PFAS: variants seen among roughly 807,000 people sequenced by gnomAD.
PFAS encodes FGAM synthase.
A neutral mutation model predicts 140.6 loss-of-function variants in PFAS; 97 were observed. The ratio of observed to expected loss-of-function variants is 0.69; its 90% confidence interval spans 0.59 to 0.82. The LOEUF (loss-of-function observed/expected upper bound fraction) is 0.82. PFAS is among the 40% of genes least tolerant of loss of function. PFAS has a pLI of 0.00. For missense variants in PFAS, 1,656 were observed against 1,780.2 expected (o/e 0.93, Z 1.26); for synonymous variants, 679 against 718.8 (o/e 0.94, Z 0.88).
chr17:8,248,078 TTGGGGG>T, upstream of PFAS: 8 of 586,756 alleles, frequency 1.4e-5, no homozygotes, highest in Non-Finnish European at 2.4e-5. Flanking sequence ...AGGTGCTCGC[TTGGGGG>T]TGGGGATGGG....
Position 8,256,279 on chromosome 17 carries a change from A to G in PFAS, c.693A>G (p.Arg231=), listed in dbSNP as rs1989361604. The change falls in exon 7 of 28, where the codon CGA becomes CGG. Residue 231 remains arginine, a synonymous_variant. Transcript: ENST00000314666. ...TCGCCCCCTGCAGCGAGCACAGCCG[A>G]CACTGGTTCTTCAAGGGCCAGCTCC... The part of the protein sequence containing the change: ...DLAQSNSEHS[R]HWFFKGQLHV... 6.2e-7 allele frequency: 1 copy of G among 1,613,890 alleles called. No individual in the cohort carries two copies. Among genetic ancestry groups the G allele is most frequent in the Non-Finnish European group, 8.5e-7 (1 of 1,180,020 alleles).
rs754846042 is a variant in PFAS, at chr17:8,262,967, G to A, written c.1384G>A (p.Gly462Arg). ...AGGTCCCGTCTACAGGATTGGAGTT[G>A]GAGGTGGAGCTGCTTCATCTGTGCA... Reference protein sequence around the residue: ...VGGPVYRIGVGGGAASSVQVQ... With the variant: ...VGGPVYRIGVRGGAASSVQVQ... Residue 462 changes from glycine to arginine, a missense_variant, in exon 12 of 28, where the codon GGA becomes AGA. Gly to Arg is a moderately radical substitution (Grantham distance 125). Coordinates refer to ENST00000314666, the MANE Select transcript of PFAS (RefSeq NM_012393.3). 1.9e-5 allele frequency: 30 copies of A among 1,613,976 alleles called. No individual in the cohort carries two copies. Among genetic ancestry groups the A allele is most frequent in the Non-Finnish European group, 2.4e-5 (28 of 1,179,958 alleles).
rs1261647607 is a variant in PFAS at position 8,267,934 on chromosome 17, G to A, written c.3382+269G>A. Reference sequence around the variant, plus strand: ...TATATTATTTATATATTATTAAAATGTATATTATTTATATATTATTAAAAT... The same window carrying A: ...TATATTATTTATATATTATTAAAATATATATTATTTATATATTATTAAAAT... On this transcript the variant is annotated intron_variant, in intron 26 of 27. Coordinates refer to ENST00000314666, the MANE Select transcript of PFAS (RefSeq NM_012393.3). This position sits in a 1 kb window ranked among gnomAD's most constrained non-coding sequence, Gnocchi z 4.9. 7.3e-6 allele frequency among the ~76,000 whole-genome samples: 1 copy of A among 136,962 alleles called. No homozygotes were observed. Among genetic ancestry groups the A allele is most frequent in the African/African-American group, 2.7e-5 (1 of 36,666 alleles). The allele number at this position is 136,962 out of a possible 152,430, so 89.9% of individuals were successfully genotyped here.
At position 8,256,898 on chromosome 17, in the gene PFAS, C is replaced by G. The variant is rs1442620460; in HGVS notation, c.1010C>G (p.Thr337Arg). Residue 337 changes from threonine to arginine, a missense_variant, in exon 9 of 28, where the codon ACA (threonine) becomes AGA (arginine). Thr to Arg is a moderately conservative substitution (Grantham distance 71). Coordinates refer to ENST00000314666, the MANE Select transcript of PFAS (RefSeq NM_012393.3). ...GGCCGGATTCGAGATGTCCAGTGCA[C>G]AGGCCGCGGGGCCCACGTGGTGGCT... ...TGGRIRDVQC[T>R]GRGAHVVAGT... 1.2e-6 allele frequency: 2 copies of G among 1,614,062 alleles called. No individual in the cohort carries two copies. Among genetic ancestry groups the G allele is most frequent in the Non-Finnish European group, 1.7e-6 (2 of 1,179,940 alleles).
At chr17:8,263,523 T>G in intron 13 of PFAS, 52 bp from the exon 14 acceptor site, 6 of 1,505,164 alleles carry the variant, frequency 4.0e-6, no homozygotes, top group Non-Finnish European at 5.6e-6. Context: ...GACTGCCCTT[T>G]GTTGCCTGAC....
At position 8,267,427 on chromosome 17, in the gene PFAS, G is replaced by C. The variant is rs747535882; in HGVS notation, c.3231G>C (p.Arg1077=). The C allele has an allele frequency of 6.2e-7, 1 of 1,614,158 alleles. No individual in the cohort carries two copies. The highest frequency in any genetic ancestry group is 1.1e-5 in the South Asian group (1 of 91,088). ...ILREEGSNGD[R]EMADAFHLAG... ...GAGAGGAGGGCAGTAATGGAGACCG[G>C]GAGATGGCCGATGCCTTCCACTTAG... Residue 1077 remains arginine, a synonymous_variant, in exon 25 of 28, where the codon CGG becomes CGC. Coordinates refer to ENST00000314666, the MANE Select transcript of PFAS (RefSeq NM_012393.3). This position sits in a 1 kb window ranked among gnomAD's most constrained non-coding sequence, Gnocchi z 4.9.
rs115314908 is a variant in PFAS, at chr17:8,256,915, G to T, written c.1027G>T (p.Val343Leu). ...CCAGTGCACAGGCCGCGGGGCCCACGTGGTGGCTGGCACTGCCGGCTATTG... is the reference window on the plus strand; with the variant it reads ...CCAGTGCACAGGCCGCGGGGCCCACTTGGTGGCTGGCACTGCCGGCTATTG... ...DVQCTGRGAH[V>L]VAGTAGYCFG... The change falls in exon 9 of 28, where the codon GTG becomes TTG. Residue 343 changes from valine to leucine, a missense_variant. Val to Leu is a conservative substitution (Grantham distance 32). Transcript: ENST00000314666. 6.2e-6 allele frequency: 10 copies of T among 1,614,186 alleles called. No homozygotes were observed. Among genetic ancestry groups the T allele is most frequent in the Non-Finnish European group, 8.5e-6 (10 of 1,180,024 alleles).
chr17:8,265,223 C>G (rs371428087), intron 18 of PFAS, 65 bp from the exon 19 acceptor site: 27 of 1,575,596 alleles, frequency 1.7e-5, no homozygotes, highest in Non-Finnish European at 2.0e-5. Flanking sequence ...CCTCCCAGTC[C>G]GCCTGCACCC....
chr17:8,263,887 G>C lies in PFAS; in HGVS notation c.1742G>C (p.Arg581Pro). Residue 581 changes from arginine (R) to proline (P), a missense_variant, in exon 15 of 28, where the codon CGT becomes CCT. By Grantham distance (103) the Arg-to-Pro change is moderately radical. Transcript: ENST00000314666. ...NRDFLTHVSA[R>P]ERCPACFVGT... ...GACTTCCTGACTCATGTCAGTGCCC[G>C]TGAACGTTGCCCGGCTTGCTTCGTG... 6.2e-7 allele frequency: 1 copy of C among 1,614,048 alleles called. No individual in the cohort carries two copies. Among genetic ancestry groups the C allele is most frequent in the Non-Finnish European group, 8.5e-7 (1 of 1,180,002 alleles).
rs1190357174 is a variant in PFAS, at chr17:8,265,431, G to A, written c.2424G>A (p.Met808Ile). The A allele has an allele frequency of 6.2e-7, 1 of 1,614,190 alleles. No individual in the cohort carries two copies. The highest frequency in any genetic ancestry group is 1.7e-5 in the Admixed American group (1 of 60,016). Residue 808 changes from methionine (M) to isoleucine (I), a missense_variant, in exon 19 of 28, where the codon ATG becomes ATA. By Grantham distance (10) the Met-to-Ile change is conservative. Coordinates refer to ENST00000314666, the MANE Select transcript of PFAS (RefSeq NM_012393.3). ...ATGGTGGCAAGGACTCCCTCAGCATGGCTGCTCGGGTTGGCACTGAGACCG... is the reference window on the plus strand; with the variant it reads ...ATGGTGGCAAGGACTCCCTCAGCATAGCTGCTCGGGTTGGCACTGAGACCG... ...AVDGGKDSLS[M>I]AARVGTETVR...
In PFAS at chr17:8,268,754, T is replaced by C. The variant is rs1989926700; in HGVS notation, c.3604T>C (p.Tyr1202His). The change falls in exon 27 of 28, where the codon TAC becomes CAC. Residue 1202 changes from tyrosine to histidine, a missense_variant. Tyr to His is a moderately conservative substitution (Grantham distance 83). Coordinates refer to ENST00000314666, the MANE Select transcript of PFAS (RefSeq NM_012393.3). Reference sequence around the variant, plus strand: ...GCTACGCCACAACCTGTCTGGGCGCTACGAGTCTCGCTGGGCCAGCGTGCG... The same window carrying C: ...GCTACGCCACAACCTGTCTGGGCGCCACGAGTCTCGCTGGGCCAGCGTGCG... ...LLLRHNLSGRYESRWASVRVG... is the reference protein window; with the variant it reads ...LLLRHNLSGRHESRWASVRVG... The C allele has an allele frequency of 1.2e-6, 2 of 1,611,926 alleles. No homozygotes were observed.
rs148809668 is a variant in PFAS at position 8,263,879 on chromosome 17, C to T, written c.1734C>T (p.Val578=). The change falls in exon 15 of 28, where the codon GTC becomes GTT. Residue 578 remains valine, a synonymous_variant. Coordinates refer to ENST00000314666, the MANE Select transcript of PFAS (RefSeq NM_012393.3). ...CCAACCGGGACTTCCTGACTCATGTCAGTGCCCGTGAACGTTGCCCGGCTT... is the reference window on the plus strand; with the variant it reads ...CCAACCGGGACTTCCTGACTCATGTTAGTGCCCGTGAACGTTGCCCGGCTT... The part of the protein sequence containing the change: ...RSPNRDFLTH[V]SARERCPACF... 2 of 1,614,114 alleles carry T rather than the reference C, an allele frequency of 1.2e-6. No individual in the cohort carries two copies. The highest frequency in any genetic ancestry group is 1.7e-6 in the Non-Finnish European group (2 of 1,180,020).
At position 8,256,261 on chromosome 17, in the gene PFAS, C is replaced by A. The variant is rs888167798; in HGVS notation, c.681-6C>A. 6.8e-6 allele frequency: 11 copies of A among 1,613,508 alleles called. No individual in the cohort carries two copies. The highest frequency in any genetic ancestry group is 1.3e-5 in the African/African-American group (1 of 74,928). On this transcript the variant is annotated splice_polypyrimidine_tract_variant and splice_region_variant and intron_variant, in intron 6 of 27. Transcript: ENST00000314666. ...TGCCTTCCCCTCCCTGCATCGCCCC[C>A]TGCAGCGAGCACAGCCGACACTGGT...
Position 8,266,348 on chromosome 17 carries a change from T to TTGA in PFAS, c.2819_2821dup (p.Asp940dup), listed in dbSNP as rs1415158735. 6.2e-7 allele frequency: 1 copy of TTGA among 1,613,796 alleles called. No individual in the cohort carries two copies. On this transcript the variant is annotated inframe_insertion, in exon 22 of 28. Transcript: ENST00000314666. This position sits in a 1 kb window ranked among gnomAD's most constrained non-coding sequence, Gnocchi z 5.0. Reference sequence around the variant, plus strand: ...CAGGTGGATGTGCCTGTCCCCAGGGTTGATGGTAAGGAACCTGGGGTCTAG... The same window carrying TTGA: ...CAGGTGGATGTGCCTGTCCCCAGGGTTGATGATGGTAAGGAACCTGGGGTCTAG...
chr17:8,248,170 C>A (rs549151302), upstream of PFAS: 2 of 712,864 alleles, frequency 2.8e-6, no homozygotes, highest in Admixed American at 2.2e-5. Context: ...CTGCTCACCC[C>A]CTCGCTTCCT....
Position 8,263,165 on chromosome 17 carries a change from G to A in PFAS, c.1467G>A (p.Pro489=), listed in dbSNP as rs199549941. The change falls in exon 13 of 28, where the codon CCG becomes CCA. Residue 489 remains proline (P), a synonymous_variant. Transcript: ENST00000314666. ...LDFGAVQRGD[P]EMEQKMNRVI... ...TTGGGGCTGTGCAGCGAGGAGACCC[G>A]GAGATGGAACAGAAGATGAACCGTG... The A allele has an allele frequency of 1.3e-5, 21 of 1,613,660 alleles. No homozygotes were observed. The highest frequency in any genetic ancestry group is 4.0e-5 in the African/African-American group (3 of 74,870).
At chr17:8,260,372 C>T (rs1208981397) in intron 11 of PFAS, among the ~76,000 whole-genome samples, 4 of 152,192 alleles carry the variant, frequency 2.6e-5, no homozygotes, top group Non-Finnish European at 5.9e-5. Context: ...CATTAGTCAG[C>T]CCATGACCAA....
At chr17:8,248,096 G>A, upstream of PFAS, 1 of 1,176,702 alleles carries the variant, frequency 8.5e-7, no homozygotes, top group South Asian at 1.3e-5. Context: ...GGGGATGGGG[G>A]TGGGGGGGCG....
chr17:8,261,239 CTT>C (rs879417355), intron 11 of PFAS, among the ~76,000 whole-genome samples: 1 of 145,162 alleles, frequency 6.9e-6, no homozygotes, highest in Non-Finnish European at 1.5e-5. Flanking sequence ...TTCTTTCTTT[CTT>C]TTTTTTTTTT....
Sources: gnomAD v4.1 joint callset for allele counts (sites outside exome capture counted in the v4.1 genomes callset) on GRCh38, gnomAD v4.1.1 for gene constraint, Gnocchi (gnomAD v3.1) non-coding constraint, MANE v1.5 for transcripts, NCBI Gene and HGNC (gene_info 2026-07-23, HGNC 2026-07-21) for gene names.